CNTNAP5: variants seen among roughly 807,000 people sequenced by gnomAD.
The protein encoded by CNTNAP5 is contactin-associated protein-like 5.
In CNTNAP5, 72 loss-of-function variants were observed where a neutral mutation model predicts 150.2. The observed-to-expected ratio is 0.48, with a 90% CI of 0.40 to 0.58. CNTNAP5 has a LOEUF of 0.58. Ranked by LOEUF, CNTNAP5 falls within the 20% of genes least tolerant of loss-of-function variation. CNTNAP5 has a pLI of 0.00. For missense variants in CNTNAP5, 1,636 were observed against 1,626.2 expected (o/e 1.01, Z -0.10); for synonymous variants, 672 against 619.8 (o/e 1.08, Z -1.25).
intron 12 of CNTNAP5, among the ~76,000 whole-genome samples, chr2:124,638,213 GATACATATA>G (rs1678013040): frequency 2.3e-5 from 1 of 42,712 alleles, no homozygotes; most frequent in Non-Finnish European, 9.4e-5. Context: ...ACATATATAT[GATACATATA>G]TATGATACAT....
At chr2:124,316,804 C>CAAAAAAAAAAAAAAAAAAAAAAAAAAAA (rs56812690) in intron 3 of CNTNAP5, among the ~76,000 whole-genome samples, 12 of 54,770 alleles carry the variant, frequency 2.2e-4, no homozygotes, top group African/African-American at 3.4e-4. Context: ...GACTCCATCT[C>CAAAAAAAAAAAAAAAAAAAAAAAAAAAA]AAAAAAAAAA....
At chr2:124,447,665 G>T (rs1275362339) in intron 6 of CNTNAP5, among the ~76,000 whole-genome samples, 1 of 152,146 alleles carries the variant, frequency 6.6e-6, no homozygotes, top group Admixed American at 6.5e-5. Flanking sequence ...GTCACTGGAA[G>T]TTTAGAATAG....
At chr2:124,110,083 T>G (rs949157545) in intron 1 of CNTNAP5, among the ~76,000 whole-genome samples, 12 of 152,328 alleles carry the variant, frequency 7.9e-5, no homozygotes, top group African/African-American at 2.4e-4. Context: ...ACCACTTTTT[T>G]GGGGTATTTA....
At chr2:124,885,281 C>T (rs548846844) in intron 21 of CNTNAP5, among the ~76,000 whole-genome samples, 48 of 152,030 alleles carry the variant, frequency 3.2e-4, no homozygotes, top group South Asian at 8.3e-4. Flanking sequence ...GATAATTTCC[C>T]TTACTTAAAG....
intron 3 of CNTNAP5, among the ~76,000 whole-genome samples, chr2:124,392,843 T>C (rs1691156703): frequency 6.6e-6 from 1 of 152,132 alleles, no homozygotes; most frequent in South Asian, 2.1e-4. Context: ...GTTCTCAGGT[T>C]AATTAAGGAA....
intron 19 of CNTNAP5, among the ~76,000 whole-genome samples, chr2:124,826,512 A>C (rs983674225): frequency 6.6e-6 from 1 of 152,158 alleles, no homozygotes; most frequent in Non-Finnish European, 1.5e-5. Context: ...GATGAAGCCC[A>C]GAATAAGTTT....
intron 1 of CNTNAP5, among the ~76,000 whole-genome samples, chr2:124,152,801 C>T (rs932905570): frequency 6.6e-5 from 10 of 152,176 alleles, no homozygotes; most frequent in Non-Finnish European, 1.5e-4. Context: ...GCCAGTGATT[C>T]TGTCTTATTA....
At chr2:124,569,629 G>C (rs1696105363) in intron 11 of CNTNAP5, among the ~76,000 whole-genome samples, 1 of 152,188 alleles carries the variant, frequency 6.6e-6, no homozygotes, top group Admixed American at 6.5e-5. Flanking sequence ...CATGTGCCCT[G>C]TTCAGGATCT....
intron 3 of CNTNAP5, among the ~76,000 whole-genome samples, chr2:124,401,489 T>C (rs2104758912): frequency 6.6e-6 from 1 of 152,346 alleles, no homozygotes; most frequent in South Asian, 2.1e-4. Flanking sequence ...CAAAAGTTCA[T>C]AGTGTTCTAG....
At chr2:124,769,533 T>C (rs2104607356) in intron 16 of CNTNAP5, among the ~76,000 whole-genome samples, 1 of 152,270 alleles carries the variant, frequency 6.6e-6, no homozygotes, top group East Asian at 1.9e-4. Context: ...TCATTGGTCT[T>C]CTCCCTTCCT....
At chr2:124,352,516 T>G (rs974227546) in intron 3 of CNTNAP5, among the ~76,000 whole-genome samples, 24 of 152,148 alleles carry the variant, frequency 1.6e-4, no homozygotes, top group Admixed American at 1.6e-3. Context: ...GTTTTCAGAG[T>G]CCTCGGTGTC....
At chr2:124,775,121 T>C (rs1681292552) in intron 17 of CNTNAP5, among the ~76,000 whole-genome samples, 1 of 152,196 alleles carries the variant, frequency 6.6e-6, no homozygotes, top group Admixed American at 6.6e-5. Flanking sequence ...AAAATGCTGT[T>C]GGAGGTCACT....
chr2:124,430,268 T>C (rs1009879082), intron 4 of CNTNAP5, among the ~76,000 whole-genome samples: 1 of 152,206 alleles, frequency 6.6e-6, no homozygotes, highest in African/African-American at 2.4e-5. Context: ...ATCCTGGCCC[T>C]GGCACTTGCT....
At chr2:124,374,427 C>T (rs1195004225) in intron 3 of CNTNAP5, among the ~76,000 whole-genome samples, 1 of 152,070 alleles carries the variant, frequency 6.6e-6, no homozygotes, top group East Asian at 1.9e-4. Flanking sequence ...GTTCACATTT[C>T]CTGGTCCTGC....
intron 13 of CNTNAP5, among the ~76,000 whole-genome samples, chr2:124,718,693 G>A (rs1679991758): frequency 6.6e-6 from 1 of 151,974 alleles, no homozygotes; most frequent in South Asian, 2.1e-4. Context: ...ATTAAGAATG[G>A]GAAGTAAGGC....
chr2:124,362,273 C>T (rs142049021), intron 3 of CNTNAP5, among the ~76,000 whole-genome samples: 88 of 152,308 alleles, frequency 5.8e-4, no homozygotes, highest in Middle Eastern at 6.8e-3. Flanking sequence ...CCGTCTTCTG[C>T]GTCGCTCACG....
intron 13 of CNTNAP5, chr2:124,680,699 A>G (rs1469547342): frequency 1.3e-5 from 2 of 151,700 alleles, no homozygotes; most frequent in African/African-American, 4.8e-5. Flanking sequence ...AATTTGCAAT[A>G]TACTATATAT....
intron 1 of CNTNAP5, among the ~76,000 whole-genome samples, chr2:124,126,352 A>T (rs530991399): frequency 2.0e-5 from 3 of 152,164 alleles, no homozygotes; most frequent in Non-Finnish European, 2.9e-5. Flanking sequence ...CCCAAGACTA[A>T]ATCAGGAAGA....
At chr2:124,290,651 A>G (rs895477913) in intron 3 of CNTNAP5, among the ~76,000 whole-genome samples, 2 of 151,888 alleles carry the variant, frequency 1.3e-5, no homozygotes, top group Non-Finnish European at 2.9e-5. Context: ...ACCTCTCTCT[A>G]CTATAGTTTG....
Sources: gnomAD v4.1 joint callset for allele counts (sites outside exome capture counted in the v4.1 genomes callset) on GRCh38, gnomAD v4.1.1 for gene constraint, MANE v1.5 for transcripts, NCBI Gene and HGNC (gene_info 2026-07-23, HGNC 2026-07-21) for gene names.